METTL8: variants seen among roughly 807,000 people sequenced by gnomAD.
METTL8 encodes tRNA N(3)-cytidine methyltransferase METTL8, mitochondrial.
In METTL8, 32 loss-of-function variants were observed where a neutral mutation model predicts 48.7. The observed-to-expected ratio is 0.66, with a 90% CI of 0.50 to 0.88. The LOEUF (loss-of-function observed/expected upper bound fraction) is 0.88, where lower values mean the gene tolerates loss of function less well. Ranked by LOEUF, METTL8 falls within the 40% of genes least tolerant of loss-of-function variation. The probability of loss-of-function intolerance (pLI) is 0.00; values close to 1 mark genes in which losing one functional copy is unlikely to be tolerated. For missense variants in METTL8, 464 were observed against 474.4 expected, an observed-to-expected ratio of 0.98 and a Z score of 0.20; for synonymous variants, 136 against 157.1, an observed-to-expected ratio of 0.87 and a Z score of 1.01.
chr2:171,389,311 G>A (rs928269121), intron 2 of METTL8, among the ~76,000 whole-genome samples: 1 of 152,012 alleles, frequency 6.6e-6, no homozygotes, highest in African/African-American at 2.4e-5. Flanking sequence ...CTTGAGCTCA[G>A]GAGTTCAAGG....
chr2:171,395,925 C>T (rs1689015823), intron 1 of METTL8, among the ~76,000 whole-genome samples: 1 of 152,154 alleles, frequency 6.6e-6, no homozygotes, highest in South Asian at 2.1e-4. Flanking sequence ...GAACATGGAA[C>T]ATTCACCAAG....
At chr2:171,375,192 G>A (rs937527356) in intron 2 of METTL8, 19 of 1,408,654 alleles carry the variant, frequency 1.3e-5, no homozygotes, top group East Asian at 9.1e-5. Flanking sequence ...CCTTGGGCAC[G>A]CATCGGGTAC....
At chr2:171,377,050 C>T (rs768558804) in intron 2 of METTL8, among the ~76,000 whole-genome samples, 4 of 152,102 alleles carry the variant, frequency 2.6e-5, no homozygotes, top group South Asian at 2.1e-4. Context: ...CAAATACTTA[C>T]AGCCAACTAA....
rs1684390471 is a variant in METTL8, at chr2:171,318,906, T to C, written c.*5266A>G. On this transcript the variant is annotated 3_prime_UTR_variant, in exon 10 of 10. Transcript: ENST00000375258. The stretch of plus-strand genomic sequence containing the variant: ...AGTTGTGACTCTGCTACTTACTAGA[T>C]GTGGTATCCTGAGCAAGTTACCCAA... 1 of 152,020 alleles carries C rather than the reference T, an allele frequency of 6.6e-6. No homozygotes were observed. Among genetic ancestry groups the C allele is most frequent in the African/African-American group, 2.4e-5 (1 of 41,394 alleles). The allele number at this position is 152,020 out of a possible 1,614,324, so 9.4% of individuals were successfully genotyped here.
chr2:171,366,458 G>A (rs1417190784), intron 2 of METTL8, among the ~76,000 whole-genome samples: 1 of 152,132 alleles, frequency 6.6e-6, no homozygotes, highest in Non-Finnish European at 1.5e-5. Flanking sequence ...AGACTGCATA[G>A]AAGATATTAT....
chr2:171,387,305 T>G (rs1200470273), intron 2 of METTL8, among the ~76,000 whole-genome samples: 1 of 152,060 alleles, frequency 6.6e-6, no homozygotes, highest in African/African-American at 2.4e-5. Context: ...TATGCTCCCC[T>G]AGAGGTCTGA....
intron 3 of METTL8, among the ~76,000 whole-genome samples, chr2:171,340,074 T>C (rs1367175828): frequency 6.6e-6 from 1 of 151,774 alleles, no homozygotes; most frequent in East Asian, 1.9e-4. Context: ...GGCAGGTGCC[T>C]GTAATTCCAG....
intron 1 of METTL8, among the ~76,000 whole-genome samples, chr2:171,429,497 C>A (rs1692759468): frequency 6.6e-6 from 1 of 152,182 alleles, no homozygotes; most frequent in Non-Finnish European, 1.5e-5. Context: ...TTAGGTCCAA[C>A]TAAAGTCTCA....
At chr2:171,377,939 A>T (rs577886751) in intron 2 of METTL8, among the ~76,000 whole-genome samples, 8 of 152,334 alleles carry the variant, frequency 5.3e-5, no homozygotes, top group Admixed American at 5.2e-4. Flanking sequence ...AAAACAAAAA[A>T]CACATGCACA....
rs1296745623 is a variant in METTL8 at position 171,317,534 on chromosome 2, G to A, written c.*6638C>T. 3 of 152,200 alleles carry A rather than the reference G, an allele frequency of 2.0e-5. No homozygotes were observed. Among genetic ancestry groups the A allele is most frequent in the African/African-American group, 7.2e-5 (3 of 41,448 alleles). The allele number at this position is 152,200 out of a possible 1,614,324, so 9.4% of individuals were successfully genotyped here. A position where few individuals can be genotyped will look rare whatever the true frequency, so the allele number is the denominator to read the frequency against. ...TCAAAGATAAAGACCCAGATCACTG[G>A]GATGCCAAGGACACAGCTAGCTGGA... is the stretch of plus-strand genomic sequence containing the variant. On this transcript the variant is annotated 3_prime_UTR_variant, in exon 10 of 10. Coordinates refer to ENST00000375258, the MANE Select transcript of METTL8 (RefSeq NM_001321154.2).
intron 2 of METTL8, among the ~76,000 whole-genome samples, chr2:171,381,133 A>G (rs1687489491): frequency 6.6e-6 from 1 of 152,202 alleles, no homozygotes; most frequent in African/African-American, 2.4e-5. Context: ...ATCTTCAACA[A>G]ACCTGACAAA....
chr2:171,340,021 A>AC (rs1438914174), intron 3 of METTL8, among the ~76,000 whole-genome samples: 11 of 151,738 alleles, frequency 7.2e-5, no homozygotes, highest in African/African-American at 2.7e-4. Flanking sequence ...ACATAGTGAA[A>AC]CCCCATCTCT....
intron 2 of METTL8, among the ~76,000 whole-genome samples, chr2:171,361,791 A>G (rs985370784): frequency 6.6e-6 from 1 of 152,198 alleles, no homozygotes; most frequent in African/African-American, 2.4e-5. Flanking sequence ...TGGGGGACAC[A>G]GAGAGATTTA....
chr2:171,358,757 G>A (rs895321000), intron 3 of METTL8, among the ~76,000 whole-genome samples: 1 of 152,070 alleles, frequency 6.6e-6, no homozygotes, highest in Non-Finnish European at 1.5e-5. Context: ...ATTTTTATTT[G>A]TCTATTTTGT....
chr2:171,358,655 A>T (rs1160499070), intron 3 of METTL8, among the ~76,000 whole-genome samples: 1 of 152,210 alleles, frequency 6.6e-6, no homozygotes, highest in Non-Finnish European at 1.5e-5. Flanking sequence ...ATAAAAATCA[A>T]ATCAAAATGG....
chr2:171,370,914 T>C (rs1156418507), intron 2 of METTL8, among the ~76,000 whole-genome samples: 1 of 152,154 alleles, frequency 6.6e-6, no homozygotes, highest in East Asian at 1.9e-4. Flanking sequence ...GGGTCTGCAA[T>C]GTTCTGCTCC....
At chr2:171,335,666 C>T (rs1315205152) in intron 5 of METTL8, among the ~76,000 whole-genome samples, 1 of 152,136 alleles carries the variant, frequency 6.6e-6, no homozygotes, top group African/African-American at 2.4e-5. Flanking sequence ...CTCAAGTGAT[C>T]TGCCTGCCTC....
intron 1 of METTL8, among the ~76,000 whole-genome samples, chr2:171,429,348 T>C (rs556073244): frequency 4.5e-4 from 68 of 152,300 alleles, no homozygotes; most frequent in Admixed American, 1.2e-3. Flanking sequence ...CATGACATAC[T>C]GAACAAATGA....
intron 2 of METTL8, among the ~76,000 whole-genome samples, chr2:171,366,083 G>C (rs1400032180): frequency 1.3e-5 from 2 of 152,128 alleles, no homozygotes; most frequent in African/African-American, 4.8e-5. Flanking sequence ...GTTCTCCTAA[G>C]GTTTTCAGCT....
Sources: gnomAD v4.1 joint callset for allele counts (sites outside exome capture counted in the v4.1 genomes callset) on GRCh38, gnomAD v4.1.1 for gene constraint, MANE v1.5 for transcripts, NCBI Gene and HGNC (gene_info 2026-07-23, HGNC 2026-07-21) for gene names.